HSPBAP1: variants seen among roughly 807,000 people sequenced by gnomAD.
The protein encoded by HSPBAP1 is HSPB1 associated protein 1.
In HSPBAP1, 27 loss-of-function variants were observed where a neutral mutation model predicts 45.2. That is an observed-to-expected ratio of 0.60 (90% CI 0.44 to 0.82). HSPBAP1 has a LOEUF of 0.82. Among genes scored for constraint, HSPBAP1 ranks in the 40% least tolerant of loss-of-function variants. The pLI, the probability that HSPBAP1 is intolerant of heterozygous loss-of-function variation, is 0.00. For synonymous variants in HSPBAP1, 204 were observed against 202.7 expected, an observed-to-expected ratio of 1.01 and a Z score of -0.06; for missense variants, 510 against 590.9, an observed-to-expected ratio of 0.86 and a Z score of 1.42.
At chr3:122,773,948 T>C (rs1253758536) in intron 2 of HSPBAP1, among the ~76,000 whole-genome samples, 1 of 152,352 alleles carries the variant, frequency 6.6e-6, no homozygotes, top group East Asian at 1.9e-4. Flanking sequence ...CTGAAAGATC[T>C]TTAAGATAAA....
chr3:122,756,498 GC>G (rs1486387255), intron 4 of HSPBAP1, among the ~76,000 whole-genome samples: 1 of 152,018 alleles, frequency 6.6e-6, no homozygotes, highest in Non-Finnish European at 1.5e-5. Flanking sequence ...CAACCTCGGA[GC>G]CTGGGAAACA....
At chr3:122,760,697 T>C (rs975578050) in intron 3 of HSPBAP1, among the ~76,000 whole-genome samples, 4 of 152,180 alleles carry the variant, frequency 2.6e-5, no homozygotes, top group Non-Finnish European at 5.9e-5. Flanking sequence ...GCAAAAATCC[T>C]GTTCTCTCTG....
chr3:122,761,850 T>C (rs1440305989), intron 3 of HSPBAP1: 1 of 149,158 alleles, frequency 6.7e-6, no homozygotes, highest in Non-Finnish European at 1.5e-5. Context: ...GCATTGAGAG[T>C]TGGGATTCTC....
At chr3:122,777,929 C>A (rs1196551037) in intron 1 of HSPBAP1, 23 bp from the exon 2 acceptor site, 1 of 1,542,578 alleles carries the variant, frequency 6.5e-7, no homozygotes, top group Non-Finnish European at 8.9e-7. Flanking sequence ...ATGAATACAG[C>A]AATAGATAGA....
At chr3:122,771,953 A>T (rs1478659661) in intron 2 of HSPBAP1, among the ~76,000 whole-genome samples, 1 of 148,282 alleles carries the variant, frequency 6.7e-6, no homozygotes, top group East Asian at 2.3e-4. Flanking sequence ...AACCCACAAG[A>T]CAACAAAAAA....
intron 1 of HSPBAP1, 65 bp downstream of exon 1, chr3:122,793,552 G>A: frequency 6.9e-7 from 1 of 1,449,678 alleles, no homozygotes; most frequent in Non-Finnish European, 9.7e-7. Flanking sequence ...GCCCCACGAG[G>A]GGTGCCACGA....
At chr3:122,768,606 A>G (rs1934870736) in intron 3 of HSPBAP1, 95 bp downstream of exon 3, 2 of 777,716 alleles carry the variant, frequency 2.6e-6, no homozygotes, top group Non-Finnish European at 4.2e-6. Context: ...TACTTATGAG[A>G]GAAAAAGGCA....
chr3:122,789,467 T>C (rs1357338971), intron 1 of HSPBAP1, among the ~76,000 whole-genome samples: 2 of 152,244 alleles, frequency 1.3e-5, no homozygotes, highest in Non-Finnish European at 2.9e-5. Flanking sequence ...ATTCAGAATT[T>C]AAATTAATTC....
At chr3:122,765,338 T>C (rs1218923974) in intron 3 of HSPBAP1, among the ~76,000 whole-genome samples, 1 of 152,184 alleles carries the variant, frequency 6.6e-6, no homozygotes, top group African/African-American at 2.4e-5. Context: ...CCCAGCACTT[T>C]GGGAGGCTGA....
At chr3:122,779,197 T>C (rs1165835302) in intron 1 of HSPBAP1, among the ~76,000 whole-genome samples, 2 of 151,690 alleles carry the variant, frequency 1.3e-5, no homozygotes, top group Admixed American at 1.3e-4. Flanking sequence ...ACCCGCCACC[T>C]CGCCAGGTTA....
intron 1 of HSPBAP1, among the ~76,000 whole-genome samples, chr3:122,786,009 CTT>C (rs1163893680): frequency 2.0e-5 from 3 of 152,040 alleles, no homozygotes; most frequent in Non-Finnish European, 4.4e-5. Flanking sequence ...GATTAGCCCT[CTT>C]GAGAGACAAA....
At chr3:122,787,782 C>A (rs1296985266) in intron 1 of HSPBAP1, among the ~76,000 whole-genome samples, 2 of 152,120 alleles carry the variant, frequency 1.3e-5, no homozygotes, top group Non-Finnish European at 2.9e-5. Flanking sequence ...GTTAGAAAAA[C>A]CTGATGGAAT....
chr3:122,745,334 A>G (rs907764143), intron 6 of HSPBAP1, among the ~76,000 whole-genome samples: 6 of 152,202 alleles, frequency 3.9e-5, no homozygotes, highest in Admixed American at 1.3e-4. Context: ...TAGCTATCAT[A>G]TACACTAATA....
chr3:122,758,895 CCAAAA>C, intron 4 of HSPBAP1: 1 of 129,882 alleles, frequency 7.7e-6, no homozygotes. Flanking sequence ...CTCTAATTTA[CCAAAA>C]AAAAAAAAAA....
intron 7 of HSPBAP1, 35 bp from the exon 8 acceptor site, chr3:122,740,910 A>G (rs1222667402): frequency 1.9e-6 from 3 of 1,610,732 alleles, no homozygotes; most frequent in Admixed American, 1.7e-5. Context: ...AAATGGTTAC[A>G]TACATTTAGT....
intron 6 of HSPBAP1, chr3:122,741,919 G>A (rs1407766005): frequency 6.6e-6 from 1 of 151,990 alleles, no homozygotes; most frequent in East Asian, 1.9e-4. Context: ...TACACTAATG[G>A]GAAAGCAAAC....
intron 5 of HSPBAP1, chr3:122,753,966 T>C (rs1934252256): frequency 4.4e-6 from 4 of 904,188 alleles, no homozygotes; most frequent in Admixed American, 6.2e-5. Flanking sequence ...GTAAAAATAA[T>C]GATAAAAAAG....
chr3:122,747,993 A>G (rs1933974561), intron 6 of HSPBAP1, among the ~76,000 whole-genome samples: 1 of 152,234 alleles, frequency 6.6e-6, no homozygotes, highest in African/African-American at 2.4e-5. Flanking sequence ...GTGTCTGTGT[A>G]GAAAGAAGTA....
rs768905650 is a variant in HSPBAP1, at chr3:122,775,593, C to T, written c.250+2128G>A. Among the ~76,000 whole-genome samples the T allele has an allele frequency of 5.9e-5, 9 of 152,114 alleles. No individual in the cohort carries two copies. The East Asian group carries it at 7.7e-4, about 13-fold the overall frequency. On this transcript the variant is annotated intron_variant, in intron 2 of 7. Transcript: ENST00000306103. ...CCTCCCAAAGTGCTGGGATTACAGG[C>T]GTGAGCCACTGCGTCCGGCCTAGAA...
Sources: allele counts gnomAD v4.1 joint callset (sites outside exome capture counted in the v4.1 genomes callset), GRCh38; gene constraint gnomAD v4.1.1; transcripts MANE v1.5; gene names NCBI Gene and HGNC (gene_info 2026-07-23, HGNC 2026-07-21).